Variants in WSCD1 observed in about 807,000 individuals in gnomAD.
WSCD1 encodes the protein sialate:O-sulfotransferase 1.
Under a neutral mutation model 60.4 loss-of-function variants are expected in WSCD1, and 41 were observed. That is an observed-to-expected ratio of 0.68 (90% CI 0.53 to 0.88). WSCD1 has a LOEUF of 0.88. Among genes scored for constraint, WSCD1 ranks in the 40% least tolerant of loss-of-function variants. The probability of loss-of-function intolerance (pLI) is 0.00; values close to 1 mark genes in which losing one functional copy is unlikely to be tolerated. For missense variants in WSCD1, 784 were observed against 796.2 expected (o/e 0.98, Z 0.18); for synonymous variants, 361 against 332.5 (o/e 1.09, Z -0.93).
At chr17:6,100,711 C>T (rs1910748626) in intron 5 of WSCD1, among the ~76,000 whole-genome samples, 1 of 152,196 alleles carries the variant, frequency 6.6e-6, no homozygotes, top group South Asian at 2.1e-4. Context: ...CTAGCCTCTA[C>T]CCACTAGATG....
intron 4 of WSCD1, among the ~76,000 whole-genome samples, chr17:6,092,290 C>T (rs1405807915): frequency 6.6e-6 from 1 of 152,128 alleles, no homozygotes; most frequent in Non-Finnish European, 1.5e-5. Context: ...AAAGGCCACC[C>T]TGGCTGGCAA....
chr17:6,112,638 G>A (rs1478962802), intron 7 of WSCD1, among the ~76,000 whole-genome samples: 2 of 151,934 alleles, frequency 1.3e-5, no homozygotes, highest in East Asian at 3.8e-4. Flanking sequence ...GCAAAAATCA[G>A]TAGCATTTCC....
At chr17:6,086,495 C>T (rs112807252) in intron 2 of WSCD1, among the ~76,000 whole-genome samples, 230 of 151,756 alleles carry the variant, frequency 1.5e-3, no homozygotes, top group Non-Finnish European at 1.9e-3. Flanking sequence ...GCTACCACAT[C>T]CAGCTAATTT....
At chr17:6,100,554 G>A (rs1471204368) in intron 5 of WSCD1, among the ~76,000 whole-genome samples, 1 of 152,216 alleles carries the variant, frequency 6.6e-6, no homozygotes, top group Non-Finnish European at 1.5e-5. Flanking sequence ...TCAGCTCTGA[G>A]CTCTGCAGAT....
At chr17:6,120,181 C>T in intron 8 of WSCD1, 128 bp from the exon 9 acceptor site, 1 of 1,034,216 alleles carries the variant, frequency 9.7e-7, no homozygotes, top group Non-Finnish European at 1.4e-6. Flanking sequence ...ATGGGGAATG[C>T]CAGGTTGACT....
At chr17:6,114,958 T>C (rs977730279) in intron 7 of WSCD1, among the ~76,000 whole-genome samples, 2 of 152,150 alleles carry the variant, frequency 1.3e-5, no homozygotes, top group African/African-American at 4.8e-5. Context: ...TTTCTGTTGC[T>C]GTGTTAGTTT....
intron 1 of WSCD1, among the ~76,000 whole-genome samples, chr17:6,073,269 G>A (rs1028175178): frequency 1.8e-4 from 28 of 152,312 alleles, no homozygotes; most frequent in African/African-American, 6.0e-4. Context: ...GGCTTGAGAC[G>A]ACCCTTAAGC....
At chr17:6,106,636 C>T (rs7216000) in intron 5 of WSCD1, among the ~76,000 whole-genome samples, 50,539 of 151,996 alleles carry the variant, frequency 0.33, 8,684 homozygotes, top group East Asian at 0.63. Context: ...GAGGGGCCTC[C>T]GGTGTCACCG....
In WSCD1 at chr17:6,120,650, G is replaced by T; in HGVS notation, c.1717G>T (p.Val573Leu). Residue 573 changes from valine (V) to leucine (L), a missense_variant, in exon 9 of 9, where the codon GTG (valine) becomes TTG (leucine). Physicochemically the swap from Val to Leu is conservative, Grantham distance 32. Coordinates refer to ENST00000317744, the MANE Select transcript of WSCD1 (RefSeq NM_015253.2). Reference protein sequence around the residue: ...HNWTGLPREYVPR With the variant: ...HNWTGLPREYLPR The stretch of plus-strand genomic sequence containing the variant: ...CTGGACGGGGCTGCCCAGGGAGTAT[G>T]TGCCCAGATGATAGGCCTGGCCCAC... The T allele has an allele frequency of 3.1e-6, 5 of 1,609,884 alleles. No homozygotes were observed. The highest frequency in any genetic ancestry group is 3.4e-6 in the Non-Finnish European group (4 of 1,177,494).
At chr17:6,086,250 C>CATATCTATATATATATATATAT (rs1909634055) in intron 2 of WSCD1, among the ~76,000 whole-genome samples, 1 of 98,234 alleles carries the variant, frequency 1.0e-5, no homozygotes, top group Non-Finnish European at 2.0e-5. Flanking sequence ...GTCCTGACTT[C>CATATCTATATATATATATATAT]ATATATATAT....
chr17:6,081,860 GCTCCGC>G (rs1454343297), intron 2 of WSCD1: 1 of 152,194 alleles, frequency 6.6e-6, no homozygotes. Flanking sequence ...AGCAGCATCA[GCTCCGC>G]CTGGGATCTT....
intron 1 of WSCD1, among the ~76,000 whole-genome samples, chr17:6,072,548 T>G (rs1908608493): frequency 6.6e-6 from 1 of 152,324 alleles, no homozygotes; most frequent in East Asian, 1.9e-4. Context: ...ACTCTTTCTC[T>G]GGAGGTACAA....
intron 5 of WSCD1, among the ~76,000 whole-genome samples, chr17:6,107,883 T>C (rs1793039390): frequency 1.3e-5 from 2 of 152,164 alleles, no homozygotes; most frequent in Non-Finnish European, 2.9e-5. Flanking sequence ...TCGCTTTCCA[T>C]AGAAGAGTGG....
Position 6,110,769 on chromosome 17 carries a change from A to G in WSCD1, c.1010-2A>G. ...ACCCCGTGATGACTTTTGGACTTTC[A>G]GACACTCGTTGTACAGACAGGAGGT... On this transcript the variant is annotated splice_acceptor_variant, in intron 6 of 8. Transcript: ENST00000317744. LOFTEE classifies it high-confidence loss of function. The surrounding 1 kb of genome is among the most constrained non-coding windows in gnomAD (Gnocchi z 4.8). 3.7e-6 allele frequency: 6 copies of G among 1,607,668 alleles called. No homozygotes were observed. Among genetic ancestry groups the G allele is most frequent in the Non-Finnish European group, 5.1e-6 (6 of 1,175,042 alleles).
chr17:6,094,238 G>T (rs1910242715), intron 4 of WSCD1, among the ~76,000 whole-genome samples: 1 of 152,300 alleles, frequency 6.6e-6, no homozygotes, highest in African/African-American at 2.4e-5. Flanking sequence ...CCACCTGGAG[G>T]CTCTACAGAG....
intron 4 of WSCD1, 130 bp from the exon 5 acceptor site, chr17:6,094,972 T>C (rs1910323825): frequency 1.4e-6 from 2 of 1,403,060 alleles, no homozygotes; most frequent in Non-Finnish European, 1.9e-6. Flanking sequence ...CCGTTTTCCC[T>C]CCCTGATTTG....
intron 2 of WSCD1, among the ~76,000 whole-genome samples, chr17:6,085,330 G>A (rs894057047): frequency 1.3e-5 from 2 of 152,150 alleles, no homozygotes; most frequent in East Asian, 1.9e-4. Context: ...TAATTTAAAT[G>A]TTTTCATTAT....
upstream of WSCD1, chr17:6,069,378 TC>T: frequency 2.5e-6 from 1 of 399,176 alleles, no homozygotes; most frequent in Non-Finnish European, 4.4e-6. Flanking sequence ...TCAGCCTCTT[TC>T]CACCTCGGTG....
intron 5 of WSCD1, among the ~76,000 whole-genome samples, chr17:6,096,038 A>G (rs1910401556): frequency 6.6e-6 from 1 of 152,194 alleles, no homozygotes; most frequent in Admixed American, 6.5e-5. Context: ...CTTGGCCAGG[A>G]TGATGATGAC....
Sources: allele counts gnomAD v4.1 joint callset (sites outside exome capture counted in the v4.1 genomes callset), GRCh38; gene constraint gnomAD v4.1.1; non-coding constraint Gnocchi (gnomAD v3.1); transcripts MANE v1.5; gene names NCBI Gene and HGNC (gene_info 2026-07-23, HGNC 2026-07-21).